The following PSD3 variants were observed in gnomAD, a reference collection of about 807,000 sequenced individuals.
PSD3 encodes the protein PH and SEC7 domain-containing protein 3.
PSD3 carries 49 observed loss-of-function variants against 105.5 expected under a neutral mutation model. The ratio of observed to expected loss-of-function variants is 0.46; its 90% confidence interval spans 0.37 to 0.59. The LOEUF (loss-of-function observed/expected upper bound fraction) is 0.59. PSD3 is among the 20% of genes least tolerant of loss of function. The pLI is 0.00. For synonymous variants in PSD3, 557 were observed against 457.8 expected, an observed-to-expected ratio of 1.22 and a Z score of -2.77; for missense variants, 1,561 against 1,263.8, an observed-to-expected ratio of 1.24 and a Z score of -3.57.
At chr8:18,934,881 C>T (rs977116329) in intron 2 of PSD3, among the ~76,000 whole-genome samples, 9 of 152,176 alleles carry the variant, frequency 5.9e-5, no homozygotes, top group South Asian at 2.1e-4. Context: ...TAAAATTACA[C>T]GTTTTGAAAT....
At chr8:18,738,729 C>A (rs1804337206) in intron 9 of PSD3, among the ~76,000 whole-genome samples, 1 of 152,074 alleles carries the variant, frequency 6.6e-6, no homozygotes, top group Admixed American at 6.6e-5. Flanking sequence ...ACAGCATACA[C>A]ATTCAAGGGC....
At chr8:18,588,693 T>G (rs757672013) in intron 12 of PSD3, among the ~76,000 whole-genome samples, 2 of 152,296 alleles carry the variant, frequency 1.3e-5, no homozygotes, top group South Asian at 4.1e-4. Flanking sequence ...GCAACCTTCT[T>G]GGAGCTCTAA....
chr8:18,904,798 A>C lies in PSD3; in HGVS notation c.130+31236T>G, dbSNP rs369798219. The stretch of plus-strand genomic sequence containing the variant: ...GCAACTTTGCCATTGCAACCAAAAC[A>C]ACCACAGACAATAGTAAATTAACAT... On this transcript the variant is annotated intron_variant, in intron 2 of 15. Transcript: ENST00000327040. Among the ~76,000 whole-genome samples the C allele has an allele frequency of 3.3e-5, 5 of 152,200 alleles. No individual in the cohort carries two copies. In the East Asian group the frequency reaches 5.8e-4, roughly 18 times the overall value.
Position 18,572,604 on chromosome 8 carries a change from G to C in PSD3, c.2708C>G (p.Pro903Arg), listed in dbSNP as rs1802211786. Residue 903 changes from proline (P) to arginine (R), a missense_variant, in exon 14 of 16, where the codon CCA (proline) becomes CGA (arginine). Pro to Arg is a moderately radical substitution (Grantham distance 103). Transcript: ENST00000327040. ...CTGAGAGCCGATTGCTGCTGGAAATGGTGGTGCAGAAAATACAGCTGCCAC... is the reference window on the plus strand; with the variant it reads ...CTGAGAGCCGATTGCTGCTGGAAATCGTGGTGCAGAAAATACAGCTGCCAC... Reference protein sequence around the residue: ...NCVAAVFSAPPFPAAIGSQKK... With the variant: ...NCVAAVFSAPRFPAAIGSQKK... 1 of 1,613,980 alleles carries C rather than the reference G, an allele frequency of 6.2e-7. No homozygotes were observed. The highest frequency in any genetic ancestry group is 1.7e-5 in the Admixed American group (1 of 59,996).
intron 11 of PSD3, among the ~76,000 whole-genome samples, chr8:18,616,752 T>C (rs1414758791): frequency 1.3e-5 from 2 of 149,474 alleles, no homozygotes; most frequent in East Asian, 3.9e-4. Flanking sequence ...GCCTCCCAAG[T>C]AGCTGGGACT....
In PSD3 at chr8:18,655,167, CA is replaced by C. The variant is rs748560630; in HGVS notation, c.2216+474del. Among the ~76,000 whole-genome samples the C allele has an allele frequency of 7.9e-3, 1,109 of 141,074 alleles. 9 individuals are homozygous for C. Among genetic ancestry groups the C allele is most frequent in the African/African-American group, 0.023 (879 of 38,634 alleles). 92.6% of individuals were successfully genotyped at this position (141,074 alleles called of 152,430 possible). On this transcript the variant is annotated intron_variant, in intron 10 of 15. Transcript: ENST00000327040. ...TGAAACCCCGTCTCTACTAAAAATG[CA>C]AAAAAAAAAAATTAGCTGGGAGTGG...
At chr8:18,671,746 C>T (rs1331601585) in intron 9 of PSD3, among the ~76,000 whole-genome samples, 1 of 152,074 alleles carries the variant, frequency 6.6e-6, no homozygotes, top group African/African-American at 2.4e-5. Context: ...ATTCTCCTGC[C>T]TCAGCCTCCC....
chr8:18,594,805 C>G (rs1803968923), intron 12 of PSD3, among the ~76,000 whole-genome samples: 1 of 151,952 alleles, frequency 6.6e-6, no homozygotes, highest in Admixed American at 6.6e-5. Flanking sequence ...TAATAAAAGG[C>G]CTACACATCA....
At chr8:18,594,216 T>TA in intron 12 of PSD3, among the ~76,000 whole-genome samples, 1 of 5,428 alleles carries the variant, frequency 1.8e-4, no homozygotes, top group Admixed American at 4.2e-3. Flanking sequence ...ATATATATTA[T>TA]TATATATATT....
At chr8:18,886,722 G>A (rs185236669) in intron 2 of PSD3, among the ~76,000 whole-genome samples, 35 of 152,290 alleles carry the variant, frequency 2.3e-4, no homozygotes, top group Non-Finnish European at 4.6e-4. Context: ...AAAATATGCT[G>A]TTCTAGTCAA....
chr8:18,573,287 T>A (rs920261021), intron 13 of PSD3, among the ~76,000 whole-genome samples: 4 of 152,130 alleles, frequency 2.6e-5, no homozygotes, highest in African/African-American at 7.2e-5. Context: ...CTGGCCAACA[T>A]GGTGAAACCC....
intron 12 of PSD3, among the ~76,000 whole-genome samples, chr8:18,584,795 G>T (rs941057874): frequency 2.0e-5 from 3 of 152,112 alleles, no homozygotes; most frequent in African/African-American, 7.2e-5. Flanking sequence ...TCAAAAAGGT[G>T]GGGGGCTCCT....
At chr8:18,559,948 C>T (rs1344275305) in intron 14 of PSD3, among the ~76,000 whole-genome samples, 5 of 152,054 alleles carry the variant, frequency 3.3e-5, no homozygotes, top group South Asian at 2.1e-4. Context: ...AGGAACTAAC[C>T]GAGGAAGTGC....
chr8:18,575,262 G>T lies in PSD3; in HGVS notation c.2505C>A (p.Ala835=). The part of the protein sequence containing the change: ...LQKDEYKPEK[A]LSEEDLKNAV... The stretch of plus-strand genomic sequence containing the variant: ...CGTTTTTCAAGTCCTCTTCAGACAA[G>T]GCCTTTTCTGGCTTGTATTCATCCT... Residue 835 remains alanine (A), a synonymous_variant, in exon 13 of 16, where the codon GCC becomes GCA. Coordinates refer to ENST00000327040, the MANE Select transcript of PSD3 (RefSeq NM_015310.4). 6.2e-7 allele frequency: 1 copy of T among 1,611,000 alleles called. No homozygotes were observed. The highest frequency in any genetic ancestry group is 1.1e-5 in the South Asian group (1 of 90,510).
chr8:18,604,831 C>T (rs1463253410), intron 11 of PSD3, among the ~76,000 whole-genome samples: 1 of 152,198 alleles, frequency 6.6e-6, no homozygotes, highest in African/African-American at 2.4e-5. Flanking sequence ...TGGGCTGCTG[C>T]TACAGAGCAT....
chr8:18,614,100 CTCT>C (rs1166139653), intron 11 of PSD3, among the ~76,000 whole-genome samples: 10 of 152,190 alleles, frequency 6.6e-5, no homozygotes, highest in Non-Finnish European at 1.3e-4. Context: ...GGTTTGTCAT[CTCT>C]TCTTAGTTGA....
intron 4 of PSD3, among the ~76,000 whole-genome samples, chr8:18,806,337 A>T (rs549687713): frequency 6.6e-6 from 1 of 152,330 alleles, no homozygotes; most frequent in East Asian, 1.9e-4. Context: ...CATAAACCTA[A>T]CTGAAGGAAG....
chr8:18,790,305 C>CTTT (rs772350691), intron 8 of PSD3, among the ~76,000 whole-genome samples: 4 of 133,398 alleles, frequency 3.0e-5, no homozygotes, highest in Non-Finnish European at 4.8e-5. Context: ...TTTTTCTTTT[C>CTTT]TTTTTTTTTT....
intron 11 of PSD3, among the ~76,000 whole-genome samples, chr8:18,605,879 C>T (rs1224324044): frequency 6.6e-6 from 1 of 152,148 alleles, no homozygotes; most frequent in Non-Finnish European, 1.5e-5. Context: ...CCCCCTTTAC[C>T]TTCCACCATA....
Sources: allele counts gnomAD v4.1 joint callset (sites outside exome capture counted in the v4.1 genomes callset), GRCh38; gene constraint gnomAD v4.1.1; transcripts MANE v1.5; gene names NCBI Gene and HGNC (gene_info 2026-07-23, HGNC 2026-07-21).